The following PTPN23 variants were observed in gnomAD, a reference collection of about 807,000 sequenced individuals.
The protein encoded by PTPN23 is tyrosine-protein phosphatase non-receptor type 23.
A neutral mutation model predicts 156.3 loss-of-function variants in PTPN23; 72 were observed. That is an observed-to-expected ratio of 0.46 (90% CI 0.38 to 0.56). The LOEUF is 0.56. Among genes scored for constraint, PTPN23 ranks in the 20% least tolerant of loss-of-function variants. The pLI, the probability that PTPN23 is intolerant of heterozygous loss-of-function variation, is 0.00. For missense variants in PTPN23, 1,974 were observed against 2,171.5 expected, an observed-to-expected ratio of 0.91 and a Z score of 1.81; for synonymous variants, 957 against 899.6, an observed-to-expected ratio of 1.06 and a Z score of -1.14.
Position 47,406,872 on chromosome 3 carries a change from T to C in PTPN23, c.807+122T>C, listed in dbSNP as rs1705138719. 5 of 1,331,978 alleles carry C rather than the reference T, an allele frequency of 3.8e-6. 1 individual carries two copies. In the East Asian group the frequency reaches 7.5e-5, roughly 20 times the overall value. The allele number at this position is 1,331,978 out of a possible 1,614,324, so 82.5% of individuals were successfully genotyped here. ...TGTCTCACCCTGGCCATCACCCTGC[T>C]GGAGGCCTGGTGTCTTAAGTGTTGT... On this transcript the variant is annotated intron_variant, in intron 9 of 24. Coordinates refer to ENST00000265562, the MANE Select transcript of PTPN23 (RefSeq NM_015466.4). This position sits in a 1 kb window ranked among gnomAD's most constrained non-coding sequence, Gnocchi z 5.8.
chr3:47,396,670 T>A (rs1395636762), intron 2 of PTPN23, among the ~76,000 whole-genome samples: 1 of 152,132 alleles, frequency 6.6e-6, no homozygotes, highest in Non-Finnish European at 1.5e-5. Context: ...ATCCCAGCAC[T>A]TTGGGAGGCC....
At chr3:47,395,664 A>C (rs1704863290) in intron 1 of PTPN23, among the ~76,000 whole-genome samples, 1 of 152,246 alleles carries the variant, frequency 6.6e-6, no homozygotes, top group South Asian at 2.1e-4. Context: ...ACATGTTTCT[A>C]TGCTGTCCTT....
In PTPN23 at chr3:47,407,451, T is replaced by C; in HGVS notation, c.924-54T>C. 6.2e-7 allele frequency: 1 copy of C among 1,609,002 alleles called. No homozygotes were observed. Among genetic ancestry groups the C allele is most frequent in the Non-Finnish European group, 8.5e-7 (1 of 1,175,522 alleles). On this transcript the variant is annotated intron_variant, in intron 11 of 24. Coordinates refer to ENST00000265562, the MANE Select transcript of PTPN23 (RefSeq NM_015466.4). This position sits in a 1 kb window ranked among gnomAD's most constrained non-coding sequence, Gnocchi z 4.0. ...TGGCATCTACATGGGAAGTAGGTTC[T>C]GGATCCCCACTGACACCCCGTGACT...
intron 1 of PTPN23, among the ~76,000 whole-genome samples, chr3:47,385,145 A>G (rs114998844): frequency 1.3e-3 from 198 of 152,268 alleles, no homozygotes; most frequent in African/African-American, 4.6e-3. Context: ...GTGCTGATTC[A>G]CTGGAAACTG....
Position 47,407,156 on chromosome 3 carries a change from C to T in PTPN23, c.834C>T (p.Asp278=), listed in dbSNP as rs1705146769. The T allele has an allele frequency of 6.2e-7, 1 of 1,613,948 alleles. No homozygotes were observed. The highest frequency in any genetic ancestry group is 8.5e-7 in the Non-Finnish European group (1 of 1,179,984). ...ERVAYFQSAL[D]KLNEAIKLAK... is the part of the protein sequence containing the mutation. ...TTGCATACTTCCAGAGCGCCCTGGACAAGCTCAATGAAGCCATCAAGTTGG... is the reference window on the plus strand; with the variant it reads ...TTGCATACTTCCAGAGCGCCCTGGATAAGCTCAATGAAGCCATCAAGTTGG... Residue 278 remains aspartate (D), a synonymous_variant, in exon 10 of 25, where the codon GAC becomes GAT. Transcript: ENST00000265562. The surrounding 1 kb of genome is among the most constrained non-coding windows in gnomAD (Gnocchi z 4.0).
At chr3:47,404,908 C>A in intron 3 of PTPN23, 97 bp from the exon 4 acceptor site, 1 of 1,583,384 alleles carries the variant, frequency 6.3e-7, no homozygotes, top group Non-Finnish European at 8.7e-7. Flanking sequence ...CCCCAGGCCT[C>A]CCCACATCCC....
At position 47,409,156 on chromosome 3, in the gene PTPN23, C is replaced by T. The variant is rs1576228375; in HGVS notation, c.1643-7C>T. 1 of 1,612,020 alleles carries T rather than the reference C, an allele frequency of 6.2e-7. No individual in the cohort carries two copies. The highest frequency in any genetic ancestry group is 8.5e-7 in the Non-Finnish European group (1 of 1,178,584). On this transcript the variant is annotated splice_polypyrimidine_tract_variant and splice_region_variant and intron_variant, in intron 16 of 24. Transcript: ENST00000265562. Reference sequence around the variant, plus strand: ...TCTCTGGCCTCACTGACCACTGCTGCCCACAGAGGACAAGGCCGTGCTGCA... The same window carrying T: ...TCTCTGGCCTCACTGACCACTGCTGTCCACAGAGGACAAGGCCGTGCTGCA...
intron 22 of PTPN23, 28 bp from the exon 23 acceptor site, chr3:47,412,255 C>T (rs777124621): frequency 4.3e-6 from 7 of 1,612,956 alleles, no homozygotes; most frequent in Non-Finnish European, 5.9e-6. Context: ...GCCTCATACC[C>T]CGGCCTCATA....
chr3:47,398,839 A>G (rs1704934749), intron 2 of PTPN23, among the ~76,000 whole-genome samples: 1 of 152,256 alleles, frequency 6.6e-6, no homozygotes, highest in Non-Finnish European at 1.5e-5. Flanking sequence ...TGTTGGGATT[A>G]AAGGCATGAG....
Position 47,410,018 on chromosome 3 carries a change from C to T in PTPN23, c.2220C>T (p.Asp740=). ...REESEAVEAG[D]PPEELRSLPP... ...AGAGTGAGGCAGTGGAAGCAGGAGACCCCCCTGAGGAGCTGCGCAGCCTCC... is the reference window on the plus strand; with the variant it reads ...AGAGTGAGGCAGTGGAAGCAGGAGATCCCCCTGAGGAGCTGCGCAGCCTCC... The change falls in exon 20 of 25, where the codon GAC becomes GAT. Residue 740 remains aspartate, a synonymous_variant. Coordinates refer to ENST00000265562, the MANE Select transcript of PTPN23 (RefSeq NM_015466.4). The T allele has an allele frequency of 6.2e-7, 1 of 1,608,334 alleles. No homozygotes were observed. Among genetic ancestry groups the T allele is most frequent in the East Asian group, 2.2e-5 (1 of 44,796 alleles).
chr3:47,403,658 A>G (rs985521569), intron 2 of PTPN23, among the ~76,000 whole-genome samples: 1 of 152,064 alleles, frequency 6.6e-6, no homozygotes, highest in African/African-American at 2.4e-5. Context: ...CCTCCCAAGG[A>G]GCTGGGACCA....
At position 47,410,102 on chromosome 3, in the gene PTPN23, G is replaced by A. The variant is rs1241373467; in HGVS notation, c.2304G>A (p.Pro768=). 1.3e-5 allele frequency: 21 copies of A among 1,605,522 alleles called. No individual in the cohort carries two copies. The highest frequency in any genetic ancestry group is 4.5e-5 in the East Asian group (2 of 44,818). ...LPDTFLGSAT[P]LHFPPSPFPS... is the part of the protein sequence containing the mutation. Reference sequence around the variant, plus strand: ...ACACCTTCCTGGGAAGTGCCACCCCGCTCCACTTTCCTCCCAGCCCCTTCC... The same window carrying A: ...ACACCTTCCTGGGAAGTGCCACCCCACTCCACTTTCCTCCCAGCCCCTTCC... Residue 768 remains proline, a synonymous_variant, in exon 20 of 25, where the codon CCG becomes CCA. Transcript: ENST00000265562.
In PTPN23 at chr3:47,407,832, A is replaced by G; in HGVS notation, c.1118+21A>G. The G allele has an allele frequency of 6.2e-7, 1 of 1,613,978 alleles. No homozygotes were observed. The highest frequency in any genetic ancestry group is 1.7e-4 in the Middle Eastern group (1 of 6,060). ...TACAGGTGGGTGGAGGGTGGCACAG[A>G]GGGAGGTGGGGTGTCTTGAGATGTG... On this transcript the variant is annotated intron_variant, in intron 13 of 24. Transcript: ENST00000265562. This position sits in a 1 kb window ranked among gnomAD's most constrained non-coding sequence, Gnocchi z 4.0.
chr3:47,409,818 C>G lies in PTPN23; in HGVS notation c.2113C>G (p.Gln705Glu). The change falls in exon 19 of 25, where the codon CAG (glutamine) becomes GAG (glutamate). Residue 705 changes from glutamine to glutamate, a missense_variant. Gln to Glu is a conservative substitution (Grantham distance 29). Coordinates refer to ENST00000265562, the MANE Select transcript of PTPN23 (RefSeq NM_015466.4). Reference protein sequence around the residue: ...STCQAREAARQQLLDRELKKK... With the variant: ...STCQAREAAREQLLDRELKKK... ...CTGCCAGGCCCGCGAGGCTGCCCGC[C>G]AGCAGCTCCTGGACAGGTTTGTGTG... The G allele has an allele frequency of 6.2e-7, 1 of 1,610,272 alleles. No homozygotes were observed. Among genetic ancestry groups the G allele is most frequent in the Non-Finnish European group, 8.5e-7 (1 of 1,179,114 alleles).
intron 1 of PTPN23, among the ~76,000 whole-genome samples, chr3:47,389,581 C>T (rs1472651553): frequency 6.6e-6 from 1 of 152,230 alleles, no homozygotes; most frequent in African/African-American, 2.4e-5. Flanking sequence ...TGGCTCACGC[C>T]TGTAATCCCC....
chr3:47,388,905 T>C (rs1704709159), intron 1 of PTPN23, among the ~76,000 whole-genome samples: 3 of 152,158 alleles, frequency 2.0e-5, no homozygotes, highest in Non-Finnish European at 4.4e-5. Flanking sequence ...CCTCAGATGA[T>C]CCACCCGCCT....
chr3:47,406,182 C>G lies in PTPN23; in HGVS notation c.546+136C>G. On this transcript the variant is annotated intron_variant, in intron 6 of 24. Coordinates refer to ENST00000265562, the MANE Select transcript of PTPN23 (RefSeq NM_015466.4). This position sits in a 1 kb window ranked among gnomAD's most constrained non-coding sequence, Gnocchi z 5.8. ...CCTTGGCTTTGTTGAATCAGGAGCACCGTGGTGCTGCTTGGAGTGGGGGCA... is the reference window on the plus strand; with the variant it reads ...CCTTGGCTTTGTTGAATCAGGAGCAGCGTGGTGCTGCTTGGAGTGGGGGCA... 1.4e-6 allele frequency: 2 copies of G among 1,479,920 alleles called. No individual in the cohort carries two copies. The highest frequency in any genetic ancestry group is 2.5e-5 in the South Asian group (2 of 80,102). The allele number at this position is 1,479,920 out of a possible 1,614,324, so 91.7% of individuals were successfully genotyped here.
rs775683268 is a variant in PTPN23, at chr3:47,404,643, G to GC, written c.160-3dup. Reference sequence around the variant, plus strand: ...ACAACAGGCCTGCTTCTCCCATCCTGCCCCCCAGAATGCTGTCCGTGTCCC... The same window carrying GC: ...ACAACAGGCCTGCTTCTCCCATCCTGCCCCCCCAGAATGCTGTCCGTGTCCC... On this transcript the variant is annotated splice_polypyrimidine_tract_variant and intron_variant, in intron 2 of 24. Transcript: ENST00000265562. The GC allele has an allele frequency of 1.1e-5, 18 of 1,612,902 alleles. No individual in the cohort carries two copies. Among genetic ancestry groups the GC allele is most frequent in the Admixed American group, 1.0e-4 (6 of 59,954 alleles).
chr3:47,400,159 A>G (rs920507008), intron 2 of PTPN23, among the ~76,000 whole-genome samples: 4 of 152,228 alleles, frequency 2.6e-5, no homozygotes, highest in African/African-American at 9.6e-5. Context: ...ATTTTCTTAC[A>G]TAGGACGTTG....
Sources: gnomAD v4.1 joint callset for allele counts (sites outside exome capture counted in the v4.1 genomes callset) on GRCh38, gnomAD v4.1.1 for gene constraint, Gnocchi (gnomAD v3.1) non-coding constraint, MANE v1.5 for transcripts, NCBI Gene and HGNC (gene_info 2026-07-23, HGNC 2026-07-21) for gene names.